CSGALNACT1: variants seen among roughly 807,000 people sequenced by gnomAD.
CSGALNACT1 encodes the protein beta4GalNAcT-1.
Under a neutral mutation model 51.0 loss-of-function variants are expected in CSGALNACT1, and 52 were observed. The ratio of observed to expected loss-of-function variants is 1.02; its 90% CI spans 0.82 to 1.29. The LOEUF (loss-of-function observed/expected upper bound fraction) is 1.29. CSGALNACT1 is among the 50% of genes most tolerant of loss of function. The probability of loss-of-function intolerance (pLI) is 0.00; values close to 1 mark genes in which losing one functional copy is unlikely to be tolerated. For synonymous variants in CSGALNACT1, 341 were observed against 254.4 expected, an observed-to-expected ratio of 1.34 and a Z score of -3.24; for missense variants, 935 against 679.2, an observed-to-expected ratio of 1.38 and a Z score of -4.19.
In CSGALNACT1 at chr8:19,439,398, T is replaced by C. The variant is rs192925657; in HGVS notation, c.953+432A>G. Among the ~76,000 whole-genome samples, 23 of 152,352 alleles carry C rather than the reference T, an allele frequency of 1.5e-4. No individual in the cohort carries two copies. In the East Asian group the frequency reaches 4.2e-3, roughly 28 times the overall value. ...CCAAAGGGTGAGACTGTTTGCTAAG[T>C]GGATGAGATCTGAGCATAGACTTCA... On this transcript the variant is annotated intron_variant, in intron 6 of 9. Transcript: ENST00000454498.
At chr8:19,434,229 A>C (rs773830878) in intron 6 of CSGALNACT1, among the ~76,000 whole-genome samples, 60 of 152,190 alleles carry the variant, frequency 3.9e-4, no homozygotes, top group South Asian at 2.1e-4. Context: ...TTCTTCTTTT[A>C]AACAGTGCAT....
intron 1 of CSGALNACT1, among the ~76,000 whole-genome samples, chr8:19,642,517 T>A (rs2056842043): frequency 6.6e-6 from 1 of 152,088 alleles, no homozygotes; most frequent in Non-Finnish European, 1.5e-5. Context: ...ATGCCTGTAA[T>A]CCCAGGACTT....
At chr8:19,568,749 C>T (rs958742015) in intron 3 of CSGALNACT1, among the ~76,000 whole-genome samples, 5 of 152,182 alleles carry the variant, frequency 3.3e-5, no homozygotes, top group African/African-American at 1.2e-4. Context: ...AATACAACCT[C>T]GCATTGCAGT....
chr8:19,588,283 G>A (rs1294940449), intron 3 of CSGALNACT1, among the ~76,000 whole-genome samples: 2 of 152,090 alleles, frequency 1.3e-5, no homozygotes, highest in Non-Finnish European at 2.9e-5. Flanking sequence ...AATGAAAAAT[G>A]CCATAGGCAG....
intron 3 of CSGALNACT1, among the ~76,000 whole-genome samples, chr8:19,591,002 G>T (rs2047693491): frequency 6.6e-6 from 1 of 152,108 alleles, no homozygotes; most frequent in South Asian, 2.1e-4. Context: ...AAGGGATACT[G>T]GAAAAATTAA....
chr8:19,457,511 G>C, intron 5 of CSGALNACT1: 1 of 434,110 alleles, frequency 2.3e-6, no homozygotes, highest in South Asian at 1.8e-5. Flanking sequence ...TACTTGGGAA[G>C]CTGAGGCAGG....
In CSGALNACT1 at chr8:19,409,498, TATAGAG is replaced by T. The variant is rs757150329; in HGVS notation, c.1228-810_1228-805del. Among the ~76,000 whole-genome samples the T allele has an allele frequency of 4.0e-3, 444 of 110,984 alleles. 2 individuals are homozygous for T. The highest frequency in any genetic ancestry group is 7.7e-3 in the Middle Eastern group (2 of 260). 72.8% of individuals were successfully genotyped at this position (110,984 alleles called of 152,430 possible). ...AACTGCATGTGTACATATATATATA[TATAGAG>T]AGAGAGAGAGAGAGAGAAACACACA... On this transcript the variant is annotated intron_variant, in intron 8 of 9. Transcript: ENST00000454498.
intron 3 of CSGALNACT1, among the ~76,000 whole-genome samples, chr8:19,537,326 T>G (rs2083983129): frequency 6.6e-6 from 1 of 152,178 alleles, no homozygotes; most frequent in Admixed American, 6.5e-5. Flanking sequence ...TTTGTCTGAC[T>G]CACAGAGGGT....
chr8:19,517,973 G>A lies in CSGALNACT1; in HGVS notation c.-296-11843C>T, dbSNP rs528135726. ...GTCAAACTAACATTCTTCTGTGCAG[G>A]CAGAAACCAGCCCTGGCACTGGGGA... On this transcript the variant is annotated intron_variant, in intron 3 of 9. Coordinates refer to ENST00000454498, the Ensembl canonical transcript of CSGALNACT1. 3.9e-5 allele frequency among the ~76,000 whole-genome samples: 6 copies of A among 152,264 alleles called. 1 individual carries two copies. The highest frequency in any genetic ancestry group is 1.2e-4 in the African/African-American group (5 of 41,558).
chr8:19,617,616 A>C (rs969481717), intron 1 of CSGALNACT1, among the ~76,000 whole-genome samples: 6 of 152,342 alleles, frequency 3.9e-5, no homozygotes, highest in Non-Finnish European at 7.3e-5. Context: ...TGCTAGAAAA[A>C]AGAATGTGCC....
At chr8:19,588,632 C>T (rs959266470) in intron 3 of CSGALNACT1, among the ~76,000 whole-genome samples, 1 of 152,180 alleles carries the variant, frequency 6.6e-6, no homozygotes, top group Non-Finnish European at 1.5e-5. Context: ...GAGATAAGAA[C>T]CCCCGCCTTC....
Position 19,757,085 on chromosome 8 carries a change from G to A in CSGALNACT1, c.-297+765C>T, listed in dbSNP as rs2065444844. 1.3e-5 allele frequency: 2 copies of A among 150,264 alleles called. No individual in the cohort carries two copies. The highest frequency in any genetic ancestry group is 2.1e-4 in the South Asian group (1 of 4,836). 9.3% of individuals were successfully genotyped at this position (150,264 alleles called of 1,614,324 possible). On this transcript the variant is annotated intron_variant, in intron 1 of 1. Coordinates refer to the CSGALNACT1 transcript ENST00000517494. The surrounding 1 kb of genome is among the most constrained non-coding windows in gnomAD (Gnocchi z 4.0). The stretch of plus-strand genomic sequence containing the variant: ...CCACCCCGAGGTCGCGGGGTGGGCG[G>A]GCGCGAGCTAGGCGCGCGGGGCTGT...
At chr8:19,572,937 T>A (rs1313994033) in intron 3 of CSGALNACT1, among the ~76,000 whole-genome samples, 1 of 152,108 alleles carries the variant, frequency 6.6e-6, no homozygotes, top group Non-Finnish European at 1.5e-5. Context: ...ATCCTAAATA[T>A]CGTATTTGAA....
chr8:19,490,999 A>G (rs2074246423), intron 4 of CSGALNACT1, among the ~76,000 whole-genome samples: 1 of 152,152 alleles, frequency 6.6e-6, no homozygotes, highest in African/African-American at 2.4e-5. Context: ...AAGCACTGCC[A>G]TATCTTATTG....
chr8:19,552,868 T>C (rs1459477191), intron 3 of CSGALNACT1, among the ~76,000 whole-genome samples: 1 of 152,086 alleles, frequency 6.6e-6, no homozygotes, highest in African/African-American at 2.4e-5. Flanking sequence ...TGCAAACAGG[T>C]ACTCCTTCAA....
intron 3 of CSGALNACT1, among the ~76,000 whole-genome samples, chr8:19,510,315 T>A (rs931355070): frequency 1.3e-5 from 2 of 152,110 alleles, no homozygotes; most frequent in Non-Finnish European, 2.9e-5. Flanking sequence ...TGGTCTTCTG[T>A]GAAAGCAAAA....
chr8:19,548,006 C>T (rs1041959239), intron 3 of CSGALNACT1, among the ~76,000 whole-genome samples: 9 of 152,094 alleles, frequency 5.9e-5, no homozygotes, highest in Admixed American at 2.6e-4. Context: ...GTGATTCATA[C>T]GAGTGATGTA....
At chr8:19,747,519 T>C (rs887428001) in intron 1 of CSGALNACT1, among the ~76,000 whole-genome samples, 10 of 152,208 alleles carry the variant, frequency 6.6e-5, no homozygotes, top group Admixed American at 6.5e-4. Flanking sequence ...GTGAATAATA[T>C]GTTCTCTACT....
chr8:19,705,750 G>A (rs1168037985), intron 1 of CSGALNACT1, among the ~76,000 whole-genome samples: 1 of 151,824 alleles, frequency 6.6e-6, no homozygotes, highest in South Asian at 2.1e-4. Context: ...AAAAAATCCA[G>A]AGAAAAAAAT....
Sources: allele counts gnomAD v4.1 joint callset (sites outside exome capture counted in the v4.1 genomes callset), GRCh38; gene constraint gnomAD v4.1.1; non-coding constraint Gnocchi (gnomAD v3.1); transcripts MANE v1.5; gene names NCBI Gene and HGNC (gene_info 2026-07-23, HGNC 2026-07-21).